TMEM165: variants seen among roughly 807,000 people sequenced by gnomAD.
The protein encoded by TMEM165 is putative divalent cation/proton antiporter TMEM165.
TMEM165 carries 19 observed loss-of-function variants against 30.0 expected under a neutral mutation model. The ratio of observed to expected loss-of-function variants is 0.63; its 90% confidence interval spans 0.44 to 0.93. The LOEUF (loss-of-function observed/expected upper bound fraction) is 0.93. TMEM165 is among the 40% of genes least tolerant of loss of function. The pLI is 0.00. For missense variants in TMEM165, 340 were observed against 417.0 expected, an observed-to-expected ratio of 0.82 and a Z score of 1.61; for synonymous variants, 168 against 162.9, an observed-to-expected ratio of 1.03 and a Z score of -0.24.
chr4:55,435,848 A>G (rs769211169), intron 3 of TMEM165, among the ~76,000 whole-genome samples: 2 of 152,252 alleles, frequency 1.3e-5, no homozygotes, highest in African/African-American at 2.4e-5. Flanking sequence ...AAAGCAATCT[A>G]TATCTTGAGC....
chr4:55,397,780 T>C (rs1280008901), intron 1 of TMEM165, among the ~76,000 whole-genome samples: 4 of 152,058 alleles, frequency 2.6e-5, no homozygotes, highest in Non-Finnish European at 4.4e-5. Context: ...AGGGTCTCGC[T>C]CTGTCGCCCA....
chr4:55,408,922 C>CTTTTTT (rs35089311), intron 1 of TMEM165, among the ~76,000 whole-genome samples: 1 of 142,800 alleles, frequency 7.0e-6, no homozygotes, highest in African/African-American at 2.6e-5. Context: ...TTGAAATGCC[C>CTTTTTT]TTTTTTTTTT....
chr4:55,438,224 T>G, intron 3 of TMEM165: 1 of 1,586,500 alleles, frequency 6.3e-7, no homozygotes. Context: ...ACTTAATGCT[T>G]AATTTCATTA....
chr4:55,400,301 T>TAATATAATATTATATATTATATATA, intron 1 of TMEM165, among the ~76,000 whole-genome samples: 1 of 104,982 alleles, frequency 9.5e-6, no homozygotes, highest in African/African-American at 4.0e-5. Flanking sequence ...TATATAATAT[T>TAATATAATATTATATATTATATATA]ATATATAATA....
intron 5 of TMEM165, 144 bp downstream of exon 5, chr4:55,424,787 C>T: frequency 1.7e-6 from 1 of 599,138 alleles, no homozygotes; most frequent in Admixed American, 3.2e-5. Flanking sequence ...GGTATTAATC[C>T]TGGTATTGCA....
chr4:55,439,324 A>G (rs1577671682), intron 3 of TMEM165, among the ~76,000 whole-genome samples: 2 of 152,300 alleles, frequency 1.3e-5, no homozygotes, highest in East Asian at 3.9e-4. Flanking sequence ...GCTACTTTAT[A>G]CCCATCAGGA....
chr4:55,449,262 G>A lies in TMEM165; in HGVS notation c.409-2977G>A, dbSNP rs1402598871. 7 of 764,546 alleles carry A rather than the reference G, an allele frequency of 9.2e-6. No individual in the cohort carries two copies. The Admixed American group carries it at 1.1e-4, about 12-fold the overall frequency. 47.4% of individuals were successfully genotyped at this position (764,546 alleles called of 1,614,324 possible). A position where few individuals can be genotyped will look rare whatever the true frequency, so the allele number is the denominator to read the frequency against. ...TTCATACAAGAAAAGGAAGTCTTAA[G>A]TAAGTGTCACATATCAGTAACTATT... is the stretch of plus-strand genomic sequence containing the variant. On this transcript the variant is annotated intron_variant, in intron 3 of 3. Coordinates refer to the TMEM165 transcript ENST00000608091.
chr4:55,430,901 T>C (rs1722454221), downstream of TMEM165: 2 of 152,176 alleles, frequency 1.3e-5, no homozygotes, highest in African/African-American at 2.4e-5. Context: ...ATCTCTTGAC[T>C]CCACCACATT....
Position 55,417,081 on chromosome 4 carries a change from G to A in TMEM165, c.443G>A (p.Gly148Asp), listed in dbSNP as rs1486271192. The change falls in exon 3 of 6, where the codon GGC (glycine) becomes GAC (aspartate). Residue 148 changes from glycine to aspartate, a missense_variant. Gly to Asp is a moderately conservative substitution (Grantham distance 94, BLOSUM62 -1). This residue lies in a region of TMEM165 where 220 missense variants were observed against 307.6 expected (regional missense o/e 0.72). Transcript: ENST00000381334. The stretch of plus-strand genomic sequence containing the variant: ...GTTGTATTTTTTCCAGTTTTGTTTG[G>A]CTATGCCACCACAGTCATCCCCAGG... Reference protein sequence around the residue: ...GLMTCLSVLFGYATTVIPRVY... With the variant: ...GLMTCLSVLFDYATTVIPRVY... 1 of 1,595,190 alleles carries A rather than the reference G, an allele frequency of 6.3e-7. No homozygotes were observed. Among genetic ancestry groups the A allele is most frequent in the East Asian group, 2.3e-5 (1 of 44,120 alleles).
chr4:55,395,986 C>A lies in TMEM165; in HGVS notation c.-204C>A. 2.6e-6 allele frequency: 1 copy of A among 391,824 alleles called. No individual in the cohort carries two copies. The highest frequency in any genetic ancestry group is 6.7e-4 in the Middle Eastern group (1 of 1,484). 24.3% of individuals were successfully genotyped at this position (391,824 alleles called of 1,614,324 possible). A position where few individuals can be genotyped will look rare whatever the true frequency, so the allele number is the denominator to read the frequency against. On this transcript the variant is annotated 5_prime_UTR_variant, in exon 1 of 6. Transcript: ENST00000381334. Reference sequence around the variant, plus strand: ...CCAGTTTAGCCGCCGCCGGAGAGGACGGGCGCCGAGCCGGGGCTGCGGACT... The same window carrying A: ...CCAGTTTAGCCGCCGCCGGAGAGGAAGGGCGCCGAGCCGGGGCTGCGGACT...
At chr4:55,443,883 T>C (rs754789250) in intron 3 of TMEM165, 1 of 1,612,568 alleles carries the variant, frequency 6.2e-7, no homozygotes, top group Non-Finnish European at 8.5e-7. Flanking sequence ...AGGATTTGAT[T>C]GTTGCAAAAA....
At chr4:55,402,571 C>T (rs1721066536) in intron 1 of TMEM165, among the ~76,000 whole-genome samples, 1 of 140,240 alleles carries the variant, frequency 7.1e-6, no homozygotes, top group South Asian at 2.2e-4. Context: ...CCTCAGCCTC[C>T]AGAGTGGCTG....
downstream of TMEM165, chr4:55,428,972 T>TG (rs1722352635): frequency 1.8e-5 from 2 of 114,158 alleles, no homozygotes; most frequent in Non-Finnish European, 3.7e-5. Context: ...GGCTGACACA[T>TG]CTTTTTTTTT....
chr4:55,403,493 TTTTTC>T (rs1721126993), intron 1 of TMEM165, among the ~76,000 whole-genome samples: 2 of 10,814 alleles, frequency 1.8e-4, no homozygotes, highest in East Asian at 0.032. Context: ...TGCCTTTTTC[TTTTTC>T]TTTTTTTTTT....
chr4:55,410,154 T>G (rs1181011839), intron 1 of TMEM165, among the ~76,000 whole-genome samples: 1 of 152,142 alleles, frequency 6.6e-6, no homozygotes, highest in Non-Finnish European at 1.5e-5. Context: ...TAAAAAACCT[T>G]TTTTTGCTCT....
intron 4 of TMEM165, among the ~76,000 whole-genome samples, chr4:55,421,107 G>A (rs749440356): frequency 7.7e-5 from 11 of 142,968 alleles, no homozygotes; most frequent in Admixed American, 1.4e-4. Flanking sequence ...TCTTGAACCC[G>A]GGTGAGCCGA....
chr4:55,422,699 AG>A (rs1478823027), intron 4 of TMEM165, among the ~76,000 whole-genome samples: 11 of 151,972 alleles, frequency 7.2e-5, no homozygotes, highest in Non-Finnish European at 1.5e-4. Context: ...CCCAGGGTGG[AG>A]TGCAGTGGCA....
At chr4:55,427,864 A>T (rs1177713778), downstream of TMEM165, 1 of 152,212 alleles carries the variant, frequency 6.6e-6, no homozygotes, top group Non-Finnish European at 1.5e-5. Flanking sequence ...TCGCTACTGC[A>T]ATAGGCTCCA....
At chr4:55,443,758 T>G in intron 3 of TMEM165, 1 of 1,614,116 alleles carries the variant, frequency 6.2e-7, no homozygotes, top group Non-Finnish European at 8.5e-7. Context: ...CCAGTATTCA[T>G]TCCACTTTGA....
Sources: gnomAD v4.1 joint callset for allele counts (sites outside exome capture counted in the v4.1 genomes callset) on GRCh38, gnomAD v4.1.1 for gene constraint, gnomAD v4.1.1 regional missense constraint, MANE v1.5 for transcripts, NCBI Gene and HGNC (gene_info 2026-07-23, HGNC 2026-07-21) for gene names.